ZNF407: variants seen among roughly 807,000 people sequenced by gnomAD.
ZNF407 encodes zinc finger protein 407.
Under a neutral mutation model 131.2 loss-of-function variants are expected in ZNF407, and 17 were observed. The observed-to-expected ratio is 0.13, with a 90% CI of 0.09 to 0.19. The LOEUF is 0.19. Ranked by LOEUF, ZNF407 falls within the 10% of genes least tolerant of loss-of-function variation. The pLI is 1.00. For synonymous variants in ZNF407, 1,156 were observed against 1,062.0 expected (o/e 1.09, Z -1.72); for missense variants, 2,681 against 2,830.6 (o/e 0.95, Z 1.20).
intron 4 of ZNF407, among the ~76,000 whole-genome samples, chr18:74,821,351 A>G (rs1293122126): frequency 6.6e-6 from 1 of 151,974 alleles, no homozygotes; most frequent in Non-Finnish European, 1.5e-5. Flanking sequence ...TACACATGCC[A>G]TGGTGGTTTG....
In ZNF407 at chr18:74,634,215, G is replaced by A. The variant is rs1984309474; in HGVS notation, c.3196G>A (p.Ala1066Thr). The part of the protein sequence containing the change: ...VTRREMTRHA[A>T]TEKHKMKRQS... ...TCGTCGCGAGATGACCAGGCATGCA[G>A]CAACAGAGAAGCACAAAATGAAAAG... The change falls in exon 2 of 9, where the codon GCA (alanine) becomes ACA (threonine). Residue 1066 changes from alanine (A) to threonine (T), a missense_variant. This residue lies in a region of ZNF407 where 1,789 missense variants were observed against 1,748.7 expected (regional missense o/e 1.02). Transcript: ENST00000299687. 6.2e-7 allele frequency: 1 copy of A among 1,614,026 alleles called. No homozygotes were observed. Among genetic ancestry groups the A allele is most frequent in the Non-Finnish European group, 8.5e-7 (1 of 1,179,896 alleles).
intron 8 of ZNF407, among the ~76,000 whole-genome samples, chr18:75,038,347 C>T (rs1973333645): frequency 1.3e-5 from 2 of 151,946 alleles, no homozygotes; most frequent in Non-Finnish European, 2.9e-5. Context: ...TTTTTTTCCA[C>T]GGGAGGTGAA....
At chr18:74,952,164 G>A (rs1972221944) in intron 8 of ZNF407, among the ~76,000 whole-genome samples, 1 of 152,112 alleles carries the variant, frequency 6.6e-6, no homozygotes, top group African/African-American at 2.4e-5. Flanking sequence ...CTTGATTATT[G>A]CAAAGCAGTG....
chr18:75,007,708 G>T (rs181312402), intron 8 of ZNF407, among the ~76,000 whole-genome samples: 1 of 152,232 alleles, frequency 6.6e-6, no homozygotes, highest in Admixed American at 6.5e-5. Context: ...CAGGTGCTTT[G>T]CTCAGAGCCA....
intron 8 of ZNF407, among the ~76,000 whole-genome samples, chr18:74,930,039 A>G (rs1329209920): frequency 1.3e-5 from 2 of 152,192 alleles, no homozygotes; most frequent in Non-Finnish European, 2.9e-5. Context: ...GCCATTTTCT[A>G]TGCTGTATTC....
intron 3 of ZNF407, among the ~76,000 whole-genome samples, chr18:74,735,075 T>C (rs553431175): frequency 6.6e-6 from 1 of 152,326 alleles, no homozygotes; most frequent in South Asian, 2.1e-4. Flanking sequence ...AGCTAGCAAC[T>C]GGAAAGGTAT....
At chr18:74,961,188 T>C (rs1250566392) in intron 8 of ZNF407, among the ~76,000 whole-genome samples, 1 of 152,216 alleles carries the variant, frequency 6.6e-6, no homozygotes, top group Non-Finnish European at 1.5e-5. Context: ...ATGCTTTCCA[T>C]TCATTAACTT....
intron 8 of ZNF407, among the ~76,000 whole-genome samples, chr18:74,986,900 A>G (rs111425883): frequency 6.3e-4 from 96 of 152,156 alleles, no homozygotes; most frequent in Non-Finnish European, 1.2e-3. Flanking sequence ...TTTAAAATGT[A>G]TTATGTTTAT....
rs34246690 is a variant in ZNF407 at position 74,871,866 on chromosome 18, CT to C, written c.4878-5318del. Among the ~76,000 whole-genome samples, 481 of 145,366 alleles carry C rather than the reference CT, an allele frequency of 3.3e-3. 1 individual carries two copies. The highest frequency in any genetic ancestry group is 4.5e-3 in the Non-Finnish European group (299 of 66,150). On this transcript the variant is annotated intron_variant, in intron 4 of 8. Coordinates refer to ENST00000299687, the MANE Select transcript of ZNF407 (RefSeq NM_017757.3). ...ATATTTATTACAGATTTCTTTCTTT[CT>C]TTTTTTTTTTTTGAAACAGAGTCTC...
chr18:74,704,352 A>T (rs1458045347), intron 3 of ZNF407, among the ~76,000 whole-genome samples: 4 of 152,170 alleles, frequency 2.6e-5, no homozygotes, highest in Non-Finnish European at 4.4e-5. Flanking sequence ...ACTTCACTCA[A>T]TCAGGACGTG....
At chr18:74,699,546 G>T (rs1967443440) in intron 3 of ZNF407, among the ~76,000 whole-genome samples, 1 of 152,114 alleles carries the variant, frequency 6.6e-6, no homozygotes, top group Non-Finnish European at 1.5e-5. Context: ...GGAGTGACCA[G>T]TTTCATTTGT....
At chr18:74,930,635 T>C (rs1040077124) in intron 8 of ZNF407, among the ~76,000 whole-genome samples, 3 of 152,212 alleles carry the variant, frequency 2.0e-5, no homozygotes, top group African/African-American at 7.2e-5. Context: ...CTATTTCTTT[T>C]TATCATTGTG....
chr18:74,645,142 G>A (rs1984910244), intron 3 of ZNF407, among the ~76,000 whole-genome samples: 1 of 151,778 alleles, frequency 6.6e-6, no homozygotes, highest in Non-Finnish European at 1.5e-5. Context: ...TTACTTGTGG[G>A]TTACAAACTG....
At chr18:74,780,729 G>A (rs972450366) in intron 3 of ZNF407, among the ~76,000 whole-genome samples, 6 of 152,060 alleles carry the variant, frequency 3.9e-5, no homozygotes, top group African/African-American at 1.4e-4. Flanking sequence ...ATCGCATGAC[G>A]TAAATAAATT....
intron 8 of ZNF407, among the ~76,000 whole-genome samples, chr18:74,945,086 G>A (rs1047336430): frequency 4.6e-5 from 7 of 152,158 alleles, no homozygotes; most frequent in Admixed American, 3.9e-4. Context: ...TAGTTAACAG[G>A]TGAGATAAGA....
chr18:74,788,818 A>T (rs1293989943), intron 4 of ZNF407, among the ~76,000 whole-genome samples: 2 of 149,420 alleles, frequency 1.3e-5, no homozygotes, highest in African/African-American at 4.9e-5. Flanking sequence ...AATATAAAAT[A>T]TCAATAAAAT....
chr18:74,909,594 A>G (rs545031154), intron 7 of ZNF407, among the ~76,000 whole-genome samples: 134 of 152,232 alleles, frequency 8.8e-4, no homozygotes, highest in African/African-American at 3.0e-3. Context: ...ACACATTGTG[A>G]GTTTCTAAGA....
chr18:74,742,960 C>T (rs986627165), intron 3 of ZNF407, among the ~76,000 whole-genome samples: 1 of 151,932 alleles, frequency 6.6e-6, no homozygotes, highest in African/African-American at 2.4e-5. Flanking sequence ...GATAGGGAAA[C>T]CCTTAGGTAA....
intron 4 of ZNF407, among the ~76,000 whole-genome samples, chr18:74,830,981 A>T (rs922751378): frequency 5.9e-5 from 9 of 152,042 alleles, no homozygotes; most frequent in Admixed American, 6.5e-5. Flanking sequence ...ATGAGATCAA[A>T]TTTTTTTAGC....
Sources: allele counts gnomAD v4.1 joint callset (sites outside exome capture counted in the v4.1 genomes callset), GRCh38; gene constraint gnomAD v4.1.1; regional missense constraint gnomAD v4.1.1; transcripts MANE v1.5; gene names NCBI Gene and HGNC (gene_info 2026-07-23, HGNC 2026-07-21).